Variants in SALL1 observed in about 807,000 individuals in gnomAD.
The protein encoded by SALL1 is spalt like transcription factor 1.
A neutral mutation model predicts 73.1 loss-of-function variants in SALL1; 10 were observed. The ratio of observed to expected loss-of-function variants is 0.14; its 90% CI spans 0.08 to 0.23. The LOEUF (loss-of-function observed/expected upper bound fraction) is 0.23. Ranked by LOEUF, SALL1 falls within the 10% of genes least tolerant of loss-of-function variation. The pLI is 1.00. For synonymous variants in SALL1, 688 were observed against 689.8 expected, an observed-to-expected ratio of 1.00 and a Z score of 0.04; for missense variants, 1,520 against 1,697.3, an observed-to-expected ratio of 0.90 and a Z score of 1.84.
At chr16:51,145,392 C>T (rs1962502076) in intron 1 of SALL1, among the ~76,000 whole-genome samples, 2 of 152,036 alleles carry the variant, frequency 1.3e-5, no homozygotes. Flanking sequence ...AATAACATTC[C>T]TGTTCCTTTT....
chr16:51,141,908 G>A lies in SALL1; in HGVS notation c.314C>T (p.Thr105Ile). The A allele has an allele frequency of 6.2e-7, 1 of 1,608,388 alleles. No homozygotes were observed. Among genetic ancestry groups the A allele is most frequent in the Admixed American group, 1.7e-5 (1 of 59,864 alleles). ...DEQMNDTVNKTDQVDCSDLSE... is the reference protein window; with the variant it reads ...DEQMNDTVNKIDQVDCSDLSE... The stretch of plus-strand genomic sequence containing the variant: ...AAGGTCGCTGCAGTCCACTTGATCT[G>A]TTTTGTTAACTGTGTCATTCATTTG... Residue 105 changes from threonine (T) to isoleucine (I), a missense_variant, in exon 2 of 3, where the codon ACA (threonine) becomes ATA (isoleucine). Thr to Ile is a moderately conservative substitution (Grantham distance 89). Coordinates refer to ENST00000251020, the MANE Select transcript of SALL1 (RefSeq NM_002968.3). The surrounding 1 kb of genome is among the most constrained non-coding windows in gnomAD (Gnocchi z 5.4).
Position 51,141,802 on chromosome 16 carries a change from G to A in SALL1, c.420C>T (p.Ser140=), listed in dbSNP as rs1567316574. 4 of 1,613,790 alleles carry A rather than the reference G, an allele frequency of 2.5e-6. No homozygotes were observed. The highest frequency in any genetic ancestry group is 1.7e-4 in the Middle Eastern group (1 of 5,888). The change falls in exon 2 of 3, where the codon TCC becomes TCT. Residue 140 remains serine, a synonymous_variant. Coordinates refer to ENST00000251020, the MANE Select transcript of SALL1 (RefSeq NM_002968.3). This position sits in a 1 kb window ranked among gnomAD's most constrained non-coding sequence, Gnocchi z 5.4. ...GGGCGGTACTGCTGTGGCTGCCGCTGGAAGTGCCGCTGCCGCTTTTGTTAG... is the reference window on the plus strand; with the variant it reads ...GGGCGGTACTGCTGTGGCTGCCGCTAGAAGTGCCGCTGCCGCTTTTGTTAG... ...PVANKSGSGT[S]SGSHSSTAPS... is the part of the protein sequence containing the mutation.
chr16:51,139,167 G>A lies in SALL1; in HGVS notation c.3055C>T (p.His1019Tyr). ...TFACQSALDI[H>Y]YRSHTKERPF... ...CTCTCTTTGGTATGACTTCTATAGT[G>A]AATGTCCAAGGCACTCTGACAAGCA... Residue 1019 changes from histidine to tyrosine, a missense_variant, in exon 2 of 3, where the codon CAC (histidine) becomes TAC (tyrosine). His to Tyr is a moderately conservative substitution (Grantham distance 83). This residue lies in a region of SALL1 where 22 missense variants were observed against 52.0 expected (regional missense o/e 0.42). Transcript: ENST00000251020. The A allele has an allele frequency of 6.2e-7, 1 of 1,614,206 alleles. No homozygotes were observed. The highest frequency in any genetic ancestry group is 8.5e-7 in the Non-Finnish European group (1 of 1,180,048).
chr16:51,151,338 C>G (rs1962602503), upstream of SALL1: 1 of 827,108 alleles, frequency 1.2e-6, no homozygotes, highest in Non-Finnish European at 1.6e-6. Context: ...CGGCGGCTCC[C>G]CCCGCCCGCC....
rs1223836455 is a variant in SALL1, at chr16:51,142,124, G to A, written c.98C>T (p.Pro33Leu). 5 of 1,613,206 alleles carry A rather than the reference G, an allele frequency of 3.1e-6. No individual in the cohort carries two copies. Among genetic ancestry groups the A allele is most frequent in the Admixed American group, 1.7e-5 (1 of 60,006 alleles). Reference sequence around the variant, plus strand: ...ATCCTTGCTCTTAGTAGGGCGACTCGGTTGACCCTTTTCTGTGTCTCCTAC... The same window carrying A: ...ATCCTTGCTCTTAGTAGGGCGACTCAGTTGACCCTTTTCTGTGTCTCCTAC... ...RRDGDTEKGQ[P>L]SRPTKSKDAH... The change falls in exon 2 of 3, where the codon CCG (proline) becomes CTG (leucine). Residue 33 changes from proline to leucine, a missense_variant. Coordinates refer to ENST00000251020, the MANE Select transcript of SALL1 (RefSeq NM_002968.3).
intron 1 of SALL1, among the ~76,000 whole-genome samples, chr16:51,146,957 G>T (rs1256592784): frequency 6.6e-6 from 1 of 152,164 alleles, no homozygotes; most frequent in Non-Finnish European, 1.5e-5. Context: ...CCTAGTTGAG[G>T]TTGTAGAAGG....
rs202061926 is a variant in SALL1 at position 51,140,480 on chromosome 16, C to G, written c.1742G>C (p.Ser581Thr). 2 of 1,613,732 alleles carry G rather than the reference C, an allele frequency of 1.2e-6. No homozygotes were observed. The highest frequency in any genetic ancestry group is 2.2e-5 in the East Asian group (1 of 44,850). The change falls in exon 2 of 3, where the codon AGC becomes ACC. Residue 581 changes from serine to threonine, a missense_variant. By Grantham distance (58) the Ser-to-Thr change is moderately conservative. This residue lies in a region of SALL1 where 276 missense variants were observed against 259.1 expected (regional missense o/e 1.07). Coordinates refer to ENST00000251020, the MANE Select transcript of SALL1 (RefSeq NM_002968.3). This position sits in a 1 kb window ranked among gnomAD's most constrained non-coding sequence, Gnocchi z 5.7. ...GCCTGGGGGGCTGGTGGCAGAATGG[C>G]TGATGGGGATGGGGGCTGGCTCTTC... Reference protein sequence around the residue: ...KTEEPAPIPISHSATSPPGSV... With the variant: ...KTEEPAPIPITHSATSPPGSV...
chr16:51,146,577 T>G (rs186827836), intron 1 of SALL1, among the ~76,000 whole-genome samples: 1 of 152,318 alleles, frequency 6.6e-6, no homozygotes, highest in East Asian at 1.9e-4. Context: ...GTCTGGCATC[T>G]GAGGGTGACA....
Position 51,139,293 on chromosome 16 carries a change from C to A in SALL1, c.2929G>T (p.Ala977Ser), listed in dbSNP as rs752206117. 6.2e-7 allele frequency: 1 copy of A among 1,614,140 alleles called. No homozygotes were observed. The highest frequency in any genetic ancestry group is 8.5e-7 in the Non-Finnish European group (1 of 1,180,036). Residue 977 changes from alanine (A) to serine (S), a missense_variant, in exon 2 of 3, where the codon GCA (alanine) becomes TCA (serine). Ala to Ser is a moderately conservative substitution (Grantham distance 99). Coordinates refer to ENST00000251020, the MANE Select transcript of SALL1 (RefSeq NM_002968.3). ...GGALDLTSSHAEKIIKEDSLG... is the reference protein window; with the variant it reads ...GGALDLTSSHSEKIIKEDSLG... ...GAATCTTCTTTGATGATTTTCTCTG[C>A]GTGACTAGATGTCAAATCCAAAGCC...
At chr16:51,145,567 T>C (rs1249211982) in intron 1 of SALL1, among the ~76,000 whole-genome samples, 1 of 152,152 alleles carries the variant, frequency 6.6e-6, no homozygotes, top group African/African-American at 2.4e-5. Context: ...ACCAAATTTA[T>C]ACTAAAATCC....
chr16:51,144,637 C>T (rs1359602401), intron 1 of SALL1, among the ~76,000 whole-genome samples: 1 of 152,138 alleles, frequency 6.6e-6, no homozygotes, highest in East Asian at 1.9e-4. Flanking sequence ...ATCTGATATT[C>T]TCATAATATA....
intron 2 of SALL1, 106 bp from the exon 3 acceptor site, chr16:51,137,658 T>C: frequency 1.2e-6 from 1 of 861,700 alleles, no homozygotes; most frequent in Non-Finnish European, 1.8e-6. Flanking sequence ...ATATCCCAAA[T>C]GTCCACAAAG....
upstream of SALL1, among the ~76,000 whole-genome samples, chr16:51,151,704 C>T (rs1323068216): frequency 6.6e-6 from 1 of 151,586 alleles, no homozygotes; most frequent in African/African-American, 2.4e-5. Flanking sequence ...CAGGCGCCCC[C>T]CGCTCTCTCC....
intron 1 of SALL1, 36 bp from the exon 2 acceptor site, chr16:51,142,181 G>A (rs770202239): frequency 6.6e-7 from 1 of 1,510,882 alleles, no homozygotes; most frequent in East Asian, 2.3e-5. Context: ...TTAGAAAAGG[G>A]GCCAGGACAC....
intron 1 of SALL1, among the ~76,000 whole-genome samples, chr16:51,142,755 C>T (rs950347962): frequency 6.6e-6 from 1 of 152,168 alleles, no homozygotes; most frequent in African/African-American, 2.4e-5. Context: ...GTAACAAATC[C>T]TCCAGACCGT....
Position 51,139,351 on chromosome 16 carries a change from G to T in SALL1, c.2871C>A (p.Ala957=). 6.2e-7 allele frequency: 1 copy of T among 1,614,130 alleles called. No individual in the cohort carries two copies. The part of the protein sequence containing the change: ...KPQRAVPSEF[A]NGLSPTPVNG... ...TCACTGGGGTGGGAGACAAACCATT[G>T]GCAAACTCGCTTGGGACCGCTCTCT... Residue 957 remains alanine, a synonymous_variant, in exon 2 of 3, where the codon GCC becomes GCA. Transcript: ENST00000251020.
At chr16:51,145,217 T>C (rs202173427) in intron 1 of SALL1, among the ~76,000 whole-genome samples, 4 of 149,858 alleles carry the variant, frequency 2.7e-5, no homozygotes, top group Non-Finnish European at 4.5e-5. Context: ...CACACACACA[T>C]ACACACACAC....
chr16:51,138,354 TG>T (rs1219629072), intron 2 of SALL1, among the ~76,000 whole-genome samples: 4 of 65,088 alleles, frequency 6.1e-5, no homozygotes, highest in African/African-American at 2.4e-4. Flanking sequence ...CAATACCCCA[TG>T]GCAACGCTAG....
rs765496860 is a variant in SALL1 at position 51,142,072 on chromosome 16, G to C, written c.150C>G (p.Ala50=). 1.2e-6 allele frequency: 2 copies of C among 1,613,744 alleles called. No homozygotes were observed. Among genetic ancestry groups the C allele is most frequent in the Admixed American group, 1.7e-5 (1 of 59,986 alleles). ...GAAGATCTGATAATTCAAAGAACTC[G>C]GCACAGCACCGGCCACAGACGTGGG... ...KDAHVCGRCC[A]EFFELSDLLL... Residue 50 remains alanine, a synonymous_variant, in exon 2 of 3, where the codon GCC becomes GCG. Transcript: ENST00000251020.
Sources: gnomAD v4.1 joint callset for allele counts (sites outside exome capture counted in the v4.1 genomes callset) on GRCh38, gnomAD v4.1.1 for gene constraint, gnomAD v4.1.1 regional missense constraint, Gnocchi (gnomAD v3.1) non-coding constraint, MANE v1.5 for transcripts, NCBI Gene and HGNC (gene_info 2026-07-23, HGNC 2026-07-21) for gene names.